Variants in PABPC4L observed in about 807,000 individuals in gnomAD.
PABPC4L encodes the protein poly(A) binding protein cytoplasmic 4 like, also known as polyadenylate-binding protein 4-like.
For synonymous variants in PABPC4L, 169 were observed against 164.1 expected (o/e 1.03, Z -0.23); for missense variants, 452 against 451.4 (o/e 1.00, Z -0.01).
chr4:134,050,587 C>A, the PABPC4L span, among the ~76,000 whole-genome samples: 1 of 151,400 alleles, frequency 6.6e-6, no homozygotes, highest in South Asian at 2.1e-4. Flanking sequence ...CGCCTGTAAA[C>A]CCAGCTACTC....
At chr4:134,115,109 C>T in the PABPC4L span, among the ~76,000 whole-genome samples, 5 of 151,810 alleles carry the variant, frequency 3.3e-5, no homozygotes, top group African/African-American at 1.2e-4. Flanking sequence ...TTACTCAGCT[C>T]CTCTTTCCTT....
chr4:134,011,899 TA>T, the PABPC4L span, among the ~76,000 whole-genome samples: 1 of 152,164 alleles, frequency 6.6e-6, no homozygotes, highest in African/African-American at 2.4e-5. Flanking sequence ...TTGATTGTAA[TA>T]ATAAAATATT....
the PABPC4L span, among the ~76,000 whole-genome samples, chr4:134,157,743 T>C: frequency 6.6e-6 from 1 of 151,982 alleles, no homozygotes; most frequent in African/African-American, 2.4e-5. Flanking sequence ...CATCCTTCTA[T>C]TTTTATCACT....
the PABPC4L span, among the ~76,000 whole-genome samples, chr4:134,135,565 G>A: frequency 2.0e-5 from 3 of 152,182 alleles, no homozygotes; most frequent in Non-Finnish European, 4.4e-5. Flanking sequence ...CGGTATGGTG[G>A]CTCATGACCG....
the PABPC4L span, among the ~76,000 whole-genome samples, chr4:134,013,637 C>T: frequency 4.7e-4 from 71 of 152,024 alleles, no homozygotes; most frequent in Admixed American, 2.0e-4. Context: ...ATAAAATAGC[C>T]AAACGGTCTG....
chr4:134,083,334 C>A, the PABPC4L span, among the ~76,000 whole-genome samples: 4 of 151,612 alleles, frequency 2.6e-5, no homozygotes, highest in East Asian at 3.9e-4. Context: ...CTTTACTGAT[C>A]GAGGATTGGA....
the PABPC4L span, among the ~76,000 whole-genome samples, chr4:134,131,714 C>CAAAAAAA: frequency 2.9e-3 from 31 of 10,672 alleles, 10 homozygotes; most frequent in African/African-American, 0.012. Flanking sequence ...CCTGTGAAAC[C>CAAAAAAA]AAAAAAAAAA....
chr4:134,029,075 T>G, the PABPC4L span, among the ~76,000 whole-genome samples: 9 of 152,258 alleles, frequency 5.9e-5, no homozygotes, highest in South Asian at 1.9e-3. Flanking sequence ...GTATAACATA[T>G]TTTTATAAGT....
At chr4:134,042,778 A>G in the PABPC4L span, among the ~76,000 whole-genome samples, 1 of 152,288 alleles carries the variant, frequency 6.6e-6, no homozygotes, top group African/African-American at 2.4e-5. Flanking sequence ...AATAGTGAAG[A>G]AAAATTTATA....
the PABPC4L span, among the ~76,000 whole-genome samples, chr4:134,038,013 T>C: frequency 6.6e-6 from 1 of 152,206 alleles, no homozygotes; most frequent in Non-Finnish European, 1.5e-5. Flanking sequence ...ACTTAGTTTA[T>C]TGAGAGTTTT....
At chr4:133,959,802 G>C in the PABPC4L span, among the ~76,000 whole-genome samples, 1 of 152,144 alleles carries the variant, frequency 6.6e-6, no homozygotes, top group South Asian at 2.1e-4. Context: ...AAGGTTTGTT[G>C]ATGTTTATAC....
At chr4:133,998,128 A>T in the PABPC4L span, among the ~76,000 whole-genome samples, 1 of 151,776 alleles carries the variant, frequency 6.6e-6, no homozygotes, top group Non-Finnish European at 1.5e-5. Flanking sequence ...TATAATTTTT[A>T]TAATATATCT....
chr4:133,996,530 C>T, the PABPC4L span, among the ~76,000 whole-genome samples: 3 of 152,158 alleles, frequency 2.0e-5, no homozygotes, highest in Admixed American at 1.3e-4. Flanking sequence ...CTGAACAAGT[C>T]GCTCAAACTT....
At chr4:134,033,361 A>C in the PABPC4L span, among the ~76,000 whole-genome samples, 1 of 151,954 alleles carries the variant, frequency 6.6e-6, no homozygotes, top group South Asian at 2.1e-4. Flanking sequence ...AACAATATTG[A>C]AATTGTGCCA....
At chr4:134,057,587 G>A in the PABPC4L span, among the ~76,000 whole-genome samples, 1 of 152,030 alleles carries the variant, frequency 6.6e-6, no homozygotes, top group Non-Finnish European at 1.5e-5. Context: ...TGAAAGTTCT[G>A]CCTCCTGACT....
chr4:134,174,989 A>G, the PABPC4L span, among the ~76,000 whole-genome samples: 2 of 152,102 alleles, frequency 1.3e-5, no homozygotes, highest in African/African-American at 4.8e-5. Flanking sequence ...AATCCTATTT[A>G]TTATTTTATG....
chr4:134,077,870 G>A, the PABPC4L span, among the ~76,000 whole-genome samples: 24 of 151,720 alleles, frequency 1.6e-4, no homozygotes, highest in East Asian at 7.8e-4. Context: ...ATCATGCTTC[G>A]GCAATCAATT....
the PABPC4L span, among the ~76,000 whole-genome samples, chr4:134,124,064 A>T: frequency 2.0e-5 from 3 of 152,122 alleles, no homozygotes; most frequent in Non-Finnish European, 4.4e-5. Context: ...ACGCAATCAG[A>T]AATCAGGGGT....
the PABPC4L span, among the ~76,000 whole-genome samples, chr4:134,126,650 T>G: frequency 6.6e-6 from 1 of 152,184 alleles, no homozygotes; most frequent in African/African-American, 2.4e-5. Context: ...ATTGTAATTT[T>G]TTATTTTCCT....
Sources: gnomAD v4.1 joint callset for allele counts (sites outside exome capture counted in the v4.1 genomes callset) on GRCh38, gnomAD v4.1.1 for gene constraint, MANE v1.5 for transcripts, NCBI Gene and HGNC (gene_info 2026-07-23, HGNC 2026-07-21) for gene names.